Variants in ADAMTSL1 observed in about 807,000 individuals in gnomAD.
ADAMTSL1 encodes the protein ADAMTS like 1, also known as ADAMTS-like protein 1.
Under a neutral mutation model 201.8 loss-of-function variants are expected in ADAMTSL1, and 126 were observed. The ratio of observed to expected loss-of-function variants is 0.62; its 90% CI spans 0.54 to 0.72. ADAMTSL1 has a LOEUF of 0.72. ADAMTSL1 is among the 30% of genes least tolerant of loss of function. The pLI is 0.00. For synonymous variants in ADAMTSL1, 1,121 were observed against 903.4 expected (o/e 1.24, Z -4.32); for missense variants, 2,679 against 2,277.8 (o/e 1.18, Z -3.59).
intron 1 of ADAMTSL1, among the ~76,000 whole-genome samples, chr9:18,480,352 G>T (rs985016524): frequency 4.6e-5 from 7 of 152,158 alleles, no homozygotes; most frequent in African/African-American, 1.7e-4. Flanking sequence ...CAGCCTATGT[G>T]ATCCTCCAAG....
chr9:18,728,175 G>A (rs1031777043), intron 15 of ADAMTSL1, among the ~76,000 whole-genome samples: 6 of 152,004 alleles, frequency 3.9e-5, no homozygotes, highest in Non-Finnish European at 5.9e-5. Context: ...GCATGAGTTT[G>A]GGGTAAAAAT....
At chr9:18,460,358 C>T (rs1428462594) in intron 2 of ADAMTSL1, among the ~76,000 whole-genome samples, 1 of 152,178 alleles carries the variant, frequency 6.6e-6, no homozygotes, top group Non-Finnish European at 1.5e-5. Context: ...GAAGATACAG[C>T]ATGCAGAGTA....
intron 2 of ADAMTSL1, among the ~76,000 whole-genome samples, chr9:18,392,230 T>TA (rs1389778926): frequency 6.6e-6 from 1 of 152,216 alleles, no homozygotes; most frequent in Non-Finnish European, 1.5e-5. Flanking sequence ...TACTTTATGG[T>TA]ACTGATGTGA....
At chr9:18,053,681 C>T (rs1822042357) in intron 1 of ADAMTSL1, among the ~76,000 whole-genome samples, 1 of 152,148 alleles carries the variant, frequency 6.6e-6, no homozygotes, top group African/African-American at 2.4e-5. Context: ...CTGTCACTCC[C>T]ATGTTACATT....
intron 11 of ADAMTSL1, chr9:18,681,228 T>G (rs2133170184): frequency 6.6e-6 from 1 of 152,548 alleles, no homozygotes; most frequent in Non-Finnish European, 1.5e-5. Flanking sequence ...ATTTTCTACA[T>G]CTAGACATGC....
At chr9:18,575,510 C>G (rs1481803052) in intron 4 of ADAMTSL1, among the ~76,000 whole-genome samples, 1 of 152,132 alleles carries the variant, frequency 6.6e-6, no homozygotes, top group Non-Finnish European at 1.5e-5. Context: ...TAAATCATTT[C>G]TGATCTTTGC....
intron 2 of ADAMTSL1, among the ~76,000 whole-genome samples, chr9:18,278,593 C>G (rs145616876): frequency 6.6e-6 from 1 of 152,182 alleles, no homozygotes; most frequent in African/African-American, 2.4e-5. Context: ...CTCTCGTTGT[C>G]TTTGTCTTTT....
intron 13 of ADAMTSL1, among the ~76,000 whole-genome samples, chr9:18,690,530 G>A (rs1387408334): frequency 6.6e-6 from 1 of 152,172 alleles, no homozygotes; most frequent in African/African-American, 2.4e-5. Context: ...TCTTGTTTAT[G>A]TGTAGAAACA....
At chr9:18,154,607 T>C (rs1247822527) in intron 1 of ADAMTSL1, among the ~76,000 whole-genome samples, 2 of 152,088 alleles carry the variant, frequency 1.3e-5, no homozygotes, top group Non-Finnish European at 2.9e-5. Context: ...ATATTATTAA[T>C]ATAAACAAAT....
At chr9:18,842,267 C>T (rs1825769820) in intron 23 of ADAMTSL1, among the ~76,000 whole-genome samples, 1 of 152,084 alleles carries the variant, frequency 6.6e-6, no homozygotes, top group African/African-American at 2.4e-5. Context: ...CAAAGAACAT[C>T]TTTCTTTCTG....
intron 1 of ADAMTSL1, among the ~76,000 whole-genome samples, chr9:18,042,815 C>G (rs1315329371): frequency 6.6e-6 from 1 of 152,126 alleles, no homozygotes; most frequent in Non-Finnish European, 1.5e-5. Context: ...CCATTTAAAT[C>G]ATGACTGATA....
At chr9:18,456,370 C>T (rs1457158618) in intron 2 of ADAMTSL1, among the ~76,000 whole-genome samples, 2 of 152,186 alleles carry the variant, frequency 1.3e-5, no homozygotes, top group East Asian at 3.9e-4. Context: ...TGAGCTAACA[C>T]ATTGCTGCAT....
At chr9:18,901,618 A>G (rs568796713) in intron 26 of ADAMTSL1, among the ~76,000 whole-genome samples, 1 of 152,326 alleles carries the variant, frequency 6.6e-6, no homozygotes, top group East Asian at 1.9e-4. Flanking sequence ...ACTTTGGGAT[A>G]TTATATGTAA....
rs538038153 is a variant in ADAMTSL1, at chr9:18,481,477, G to A, written c.63+7182G>A. On this transcript the variant is annotated intron_variant, in intron 1 of 28. Coordinates refer to ENST00000380548, the MANE Select transcript of ADAMTSL1 (RefSeq NM_001040272.6). ...TCTCTACAGTGAAGAGCTTGGAAGTGTGTTGGACATTTTGTTGTCAAGAGT... is the reference window on the plus strand; with the variant it reads ...TCTCTACAGTGAAGAGCTTGGAAGTATGTTGGACATTTTGTTGTCAAGAGT... 2.4e-4 allele frequency among the ~76,000 whole-genome samples: 37 copies of A among 151,816 alleles called. No individual in the cohort carries two copies. The South Asian group carries it at 7.5e-3, about 31-fold the overall frequency.
intron 2 of ADAMTSL1, among the ~76,000 whole-genome samples, chr9:18,507,359 G>A (rs1022762347): frequency 6.6e-6 from 1 of 152,020 alleles, no homozygotes; most frequent in African/African-American, 2.4e-5. Flanking sequence ...TCCCTTTGGG[G>A]GTGTATTGAT....
At chr9:18,022,159 T>A (rs1047601649) in intron 1 of ADAMTSL1, among the ~76,000 whole-genome samples, 5 of 152,092 alleles carry the variant, frequency 3.3e-5, no homozygotes, top group African/African-American at 1.2e-4. Context: ...AGAACTAGGT[T>A]TGGTTCAGCA....
In ADAMTSL1 at chr9:18,312,044, T is replaced by C. The variant is rs1192804825; in HGVS notation, c.207+148063T>C. ...AGTTCCAGTTCCCACAGAGCTTACATCCTAGTAGAATGAGAAAATGTGCAG... is the reference window on the plus strand; with the variant it reads ...AGTTCCAGTTCCCACAGAGCTTACACCCTAGTAGAATGAGAAAATGTGCAG... On this transcript the variant is annotated intron_variant, in intron 2 of 29. Coordinates refer to the ADAMTSL1 transcript ENST00000680146. Among the ~76,000 whole-genome samples the C allele has an allele frequency of 2.0e-5, 3 of 152,296 alleles. No individual in the cohort carries two copies. The East Asian group carries it at 5.8e-4, about 29-fold the overall frequency.
chr9:18,626,560 T>C, intron 5 of ADAMTSL1, among the ~76,000 whole-genome samples: 1 of 152,158 alleles, frequency 6.6e-6, no homozygotes, highest in East Asian at 1.9e-4. Flanking sequence ...GAAAATGATA[T>C]GAGGCTGGGG....
chr9:18,527,168 C>T (rs1273328270), intron 2 of ADAMTSL1, among the ~76,000 whole-genome samples: 1 of 152,134 alleles, frequency 6.6e-6, no homozygotes, highest in East Asian at 1.9e-4. Context: ...ATGGACCATC[C>T]TGCTTTAAAA....
Sources: allele counts gnomAD v4.1 joint callset (sites outside exome capture counted in the v4.1 genomes callset), GRCh38; gene constraint gnomAD v4.1.1; transcripts MANE v1.5; gene names NCBI Gene and HGNC (gene_info 2026-07-23, HGNC 2026-07-21).